TMEM72: variants seen among roughly 807,000 people sequenced by gnomAD.
TMEM72 encodes kidney-specific secretory protein of 37 kDa.
In TMEM72, 9 loss-of-function variants were observed where a neutral mutation model predicts 16.3. That is an observed-to-expected ratio of 0.55 (90% CI 0.33 to 0.96). The LOEUF (loss-of-function observed/expected upper bound fraction) is 0.96. TMEM72 is among the 40% of genes least tolerant of loss of function. The probability of loss-of-function intolerance (pLI) is 0.03; values close to 1 mark genes in which losing one functional copy is unlikely to be tolerated. For synonymous variants in TMEM72, 160 were observed against 146.5 expected, an observed-to-expected ratio of 1.09 and a Z score of -0.66; for missense variants, 324 against 337.8, an observed-to-expected ratio of 0.96 and a Z score of 0.32.
intron 1 of TMEM72, among the ~76,000 whole-genome samples, chr10:44,924,290 T>G (rs1201006575): frequency 1.3e-5 from 2 of 152,172 alleles, no homozygotes; most frequent in East Asian, 3.8e-4. Context: ...CCACTCTACC[T>G]TCATCGTTAT....
At chr10:44,916,352 CCA>C (rs1840014361) in intron 1 of TMEM72, among the ~76,000 whole-genome samples, 1 of 152,282 alleles carries the variant, frequency 6.6e-6, no homozygotes, top group South Asian at 2.1e-4. Flanking sequence ...ATGGACACAG[CCA>C]CATTTTCAAC....
rs1840342170 is a variant in TMEM72, at chr10:44,933,645, C to T, written c.218C>T (p.Pro73Leu). The T allele has an allele frequency of 5.0e-6, 8 of 1,612,966 alleles. No homozygotes were observed. Among genetic ancestry groups the T allele is most frequent in the Non-Finnish European group, 6.8e-6 (8 of 1,179,232 alleles). The change falls in exon 4 of 5, where the codon CCA (proline) becomes CTA (leucine). Residue 73 changes from proline (P) to leucine (L), a missense_variant. Pro to Leu is a moderately conservative substitution (Grantham distance 98). Transcript: ENST00000389583. ...GGACTCCCTCTCCCCAGGTGTCAACCAGGGTCCCTGGCAGACAGAGTAAGG... is the reference window on the plus strand; with the variant it reads ...GGACTCCCTCTCCCCAGGTGTCAACTAGGGTCCCTGGCAGACAGAGTAAGG... The part of the protein sequence containing the change: ...QLLAICFQCQ[P>L]GSLADRVREK...
At position 44,934,588 on chromosome 10, in the gene TMEM72, C is replaced by T. The variant is rs573136788; in HGVS notation, c.350-68C>T. On this transcript the variant is annotated intron_variant, in intron 4 of 4. Coordinates refer to ENST00000389583, the MANE Select transcript of TMEM72 (RefSeq NM_001123376.3). The stretch of plus-strand genomic sequence containing the variant: ...GGGTTGCAGGAGCTCTGCTGCACGA[C>T]ATGCTTGCAAGGACTCCGGATTTTT... The T allele has an allele frequency of 2.3e-5, 33 of 1,445,206 alleles. No homozygotes were observed. The East Asian group carries it at 6.5e-4, about 28-fold the overall frequency. The allele number at this position is 1,445,206 out of a possible 1,614,324, so 89.5% of individuals were successfully genotyped here.
chr10:44,916,392 G>A (rs1840014814), intron 1 of TMEM72, among the ~76,000 whole-genome samples: 1 of 152,152 alleles, frequency 6.6e-6, no homozygotes, highest in African/African-American at 2.4e-5. Context: ...CACAGTTAGA[G>A]CATTGGCTTA....
chr10:44,924,323 G>A (rs944773547), intron 1 of TMEM72, among the ~76,000 whole-genome samples: 1 of 152,134 alleles, frequency 6.6e-6, no homozygotes, highest in Non-Finnish European at 1.5e-5. Flanking sequence ...ATAGTCCCAC[G>A]AGTGGCCCCT....
chr10:44,920,557 T>G (rs1279723604), intron 1 of TMEM72, among the ~76,000 whole-genome samples: 2 of 152,156 alleles, frequency 1.3e-5, no homozygotes, highest in African/African-American at 4.8e-5. Flanking sequence ...TCAAAGTAAA[T>G]TAGTGAACAA....
At position 44,911,397 on chromosome 10, in the gene TMEM72, C is replaced by T. The variant is rs886783099; in HGVS notation, c.-116C>T. The T allele has an allele frequency of 1.2e-5, 13 of 1,105,534 alleles. No homozygotes were observed. In the South Asian group the frequency reaches 1.6e-4, roughly 14 times the overall value. The allele number at this position is 1,105,534 out of a possible 1,614,324, so 68.5% of individuals were successfully genotyped here. A position where few individuals can be genotyped will look rare whatever the true frequency, so the allele number is the denominator to read the frequency against. Reference sequence around the variant, plus strand: ...CAGGACTGGTTTGGGAAGGCAGGGCCCCGGTGTGCAGCCACAGCCAGCAGC... The same window carrying T: ...CAGGACTGGTTTGGGAAGGCAGGGCTCCGGTGTGCAGCCACAGCCAGCAGC... On this transcript the variant is annotated 5_prime_UTR_variant, in exon 1 of 5. Transcript: ENST00000389583.
chr10:44,911,615 C>T (rs781297184), intron 1 of TMEM72, 33 bp downstream of exon 1: 1 of 1,547,074 alleles, frequency 6.5e-7, no homozygotes, highest in Non-Finnish European at 8.7e-7. Flanking sequence ...CTGATCCTTG[C>T]ACACTGGCAC....
At chr10:44,912,795 C>T (rs574068013) in intron 1 of TMEM72, among the ~76,000 whole-genome samples, 6 of 152,324 alleles carry the variant, frequency 3.9e-5, no homozygotes, top group African/African-American at 1.4e-4. Flanking sequence ...CTGGGTTCAG[C>T]CGTGAGCTGG....
At chr10:44,927,548 C>T (rs545228205) in intron 1 of TMEM72, among the ~76,000 whole-genome samples, 9 of 152,352 alleles carry the variant, frequency 5.9e-5, no homozygotes, top group African/African-American at 9.6e-5. Flanking sequence ...GACCCATCCA[C>T]GGCCAAGCAC....
intron 1 of TMEM72, among the ~76,000 whole-genome samples, chr10:44,925,696 G>GTGGT (rs1054805207): frequency 1.3e-5 from 2 of 152,202 alleles, no homozygotes; most frequent in African/African-American, 4.8e-5. Flanking sequence ...GCCTCCATCC[G>GTGGT]TGGTTGGTTG....
chr10:44,921,053 G>A (rs1840089769), intron 1 of TMEM72, among the ~76,000 whole-genome samples: 1 of 152,196 alleles, frequency 6.6e-6, no homozygotes, highest in Non-Finnish European at 1.5e-5. Context: ...AACAGCTCAG[G>A]AAAGCAACAC....
At position 44,936,466 on chromosome 10, in the gene TMEM72, A is replaced by G. The variant is rs1341998372; in HGVS notation, c.*1332A>G. 5 of 152,374 alleles carry G rather than the reference A, an allele frequency of 3.3e-5. No homozygotes were observed. The highest frequency in any genetic ancestry group is 5.9e-5 in the Non-Finnish European group (4 of 68,042). 9.4% of individuals were successfully genotyped at this position (152,374 alleles called of 1,614,324 possible). ...TGAAAATAATGGCCAACCAGAAGCT[A>G]GTATCAGTTTGGGGCCTAAATGCAG... On this transcript the variant is annotated 3_prime_UTR_variant, in exon 5 of 5. Transcript: ENST00000389583.
At chr10:44,911,702 T>A (rs2132706292) in intron 1 of TMEM72, 120 bp downstream of exon 1, 3 of 1,192,472 alleles carry the variant, frequency 2.5e-6, no homozygotes, top group Non-Finnish European at 3.6e-6. Flanking sequence ...TGCTTCAATT[T>A]TTTTCCCAAG....
chr10:44,933,190 C>T (rs1429492469), intron 3 of TMEM72, among the ~76,000 whole-genome samples: 2 of 152,230 alleles, frequency 1.3e-5, no homozygotes, highest in African/African-American at 4.8e-5. Context: ...CTAAGCAAGG[C>T]TGGGTGAACA....
intron 1 of TMEM72, 66 bp from the exon 2 acceptor site, chr10:44,927,855 C>A (rs2132723745): frequency 1.3e-6 from 2 of 1,514,678 alleles, no homozygotes; most frequent in South Asian, 2.3e-5. Context: ...GCCAAGGTAC[C>A]CTCAACAGGG....
rs1453271261 is a variant in TMEM72 at position 44,926,039 on chromosome 10, TCACA to T, written c.71-1877_71-1874del. 1.6e-3 allele frequency among the ~76,000 whole-genome samples: 230 copies of T among 141,596 alleles called. 2 individuals are homozygous for T. Among genetic ancestry groups the T allele is most frequent in the African/African-American group, 6.1e-3 (224 of 36,736 alleles). 92.9% of individuals were successfully genotyped at this position (141,596 alleles called of 152,430 possible). A position where few individuals can be genotyped will look rare whatever the true frequency, so the allele number is the denominator to read the frequency against. On this transcript the variant is annotated intron_variant, in intron 1 of 4. Coordinates refer to ENST00000389583, the MANE Select transcript of TMEM72 (RefSeq NM_001123376.3). Reference sequence around the variant, plus strand: ...CACACATACACTCACACACACACACTCACACACATCCACATATATAATCACACTC... The same window carrying T: ...CACACATACACTCACACACACACACTCACATCCACATATATAATCACACTC...
intron 1 of TMEM72, among the ~76,000 whole-genome samples, chr10:44,915,049 C>T (rs1036453031): frequency 6.6e-6 from 1 of 152,180 alleles, no homozygotes; most frequent in Non-Finnish European, 1.5e-5. Flanking sequence ...TCCCTGAGCC[C>T]CGCCTTGTAG....
intron 1 of TMEM72, among the ~76,000 whole-genome samples, chr10:44,927,006 C>T (rs1220843152): frequency 2.0e-5 from 3 of 152,098 alleles, no homozygotes; most frequent in Non-Finnish European, 4.4e-5. Context: ...GGAGAGGCCA[C>T]CCCCAGGCAG....
Sources: gnomAD v4.1 joint callset for allele counts (sites outside exome capture counted in the v4.1 genomes callset) on GRCh38, gnomAD v4.1.1 for gene constraint, MANE v1.5 for transcripts, NCBI Gene and HGNC (gene_info 2026-07-23, HGNC 2026-07-21) for gene names.